Variants in HELLS observed in about 807,000 individuals in gnomAD.
HELLS encodes lymphoid-specific helicase.
HELLS carries 32 observed loss-of-function variants against 120.0 expected under a neutral mutation model. That is an observed-to-expected ratio of 0.27 (90% CI 0.20 to 0.36). The LOEUF (loss-of-function observed/expected upper bound fraction) is 0.36. HELLS is among the 10% of genes least tolerant of loss of function. The pLI is 1.00. For synonymous variants in HELLS, 341 were observed against 323.4 expected, an observed-to-expected ratio of 1.05 and a Z score of -0.58; for missense variants, 650 against 993.4, an observed-to-expected ratio of 0.65 and a Z score of 4.65.
At position 94,590,533 on chromosome 10, in the gene HELLS, C is replaced by G. The variant is rs757287830; in HGVS notation, c.1609C>G (p.Pro537Ala). Residue 537 changes from proline to alanine, a missense_variant, in exon 14 of 22, where the codon CCA becomes GCA. This residue lies in a region of HELLS where 191 missense variants were observed against 259.7 expected (regional missense o/e 0.74). Transcript: ENST00000348459. ...ELEKLISQIQ[P>A]EVDRERAVVE... is the part of the protein sequence containing the mutation. ...GGAAAAACTGATCAGTCAAATACAG[C>G]CAGAGGTGGACCGAGAAAGGTTTGA... 1.9e-6 allele frequency: 3 copies of G among 1,610,998 alleles called. No individual in the cohort carries two copies. In the South Asian group the frequency reaches 3.3e-5, roughly 18 times the overall value.
intron 4 of HELLS, among the ~76,000 whole-genome samples, chr10:94,560,663 C>T (rs1169921845): frequency 6.6e-6 from 1 of 151,964 alleles, no homozygotes; most frequent in Non-Finnish European, 1.5e-5. Context: ...CATCACCGCA[C>T]TCTAGTCTGG....
chr10:94,577,366 C>T (rs1844547353), intron 10 of HELLS: 2 of 212,292 alleles, frequency 9.4e-6, no homozygotes, highest in Non-Finnish European at 1.9e-5. Flanking sequence ...TTCTTGACTG[C>T]TTTTTTTTTC....
intron 3 of HELLS, among the ~76,000 whole-genome samples, chr10:94,555,147 A>T (rs185087483): frequency 6.6e-6 from 1 of 152,078 alleles, no homozygotes; most frequent in African/African-American, 2.4e-5. Flanking sequence ...TGTCTCAAAA[A>T]TAAAACAGGC....
intron 19 of HELLS, among the ~76,000 whole-genome samples, chr10:94,596,646 G>A (rs1050840967): frequency 2.0e-5 from 3 of 152,116 alleles, no homozygotes; most frequent in Non-Finnish European, 2.9e-5. Flanking sequence ...GGGAGGGTGC[G>A]TGTTTAACTA....
chr10:94,549,103 A>G (rs551957438), intron 2 of HELLS, among the ~76,000 whole-genome samples: 1 of 152,318 alleles, frequency 6.6e-6, no homozygotes, highest in East Asian at 1.9e-4. Flanking sequence ...AGATAAGGAA[A>G]GTTTTTGATT....
chr10:94,555,200 G>A (rs1410376583), intron 3 of HELLS, among the ~76,000 whole-genome samples: 2 of 152,162 alleles, frequency 1.3e-5, no homozygotes, highest in African/African-American at 4.8e-5. Context: ...ACTTTGGGAG[G>A]CCAAGGCAGA....
chr10:94,582,718 T>G (rs1341815455), intron 11 of HELLS, among the ~76,000 whole-genome samples: 1 of 152,150 alleles, frequency 6.6e-6, no homozygotes, highest in African/African-American at 2.4e-5. Context: ...ATTGTTAATC[T>G]ATTTATAAAT....
At chr10:94,549,785 G>T (rs1842896172) in intron 2 of HELLS, among the ~76,000 whole-genome samples, 1 of 151,998 alleles carries the variant, frequency 6.6e-6, no homozygotes, top group South Asian at 2.1e-4. Flanking sequence ...GATAAATAAA[G>T]AAAAAACAGT....
In HELLS at chr10:94,585,213, ATTT is replaced by A. The variant is rs1269062328; in HGVS notation, c.1326+2158_1326+2160del. 9.2e-5 allele frequency among the ~76,000 whole-genome samples: 14 copies of A among 151,902 alleles called. No homozygotes were observed. In the East Asian group the frequency reaches 2.3e-3, roughly 25 times the overall value. The stretch of plus-strand genomic sequence containing the variant: ...AACCTTTACAAATTAATTATTTAAA[ATTT>A]TTTATTTTAAAATTATGCGTACACG... On this transcript the variant is annotated intron_variant, in intron 12 of 21. Coordinates refer to ENST00000348459, the MANE Select transcript of HELLS (RefSeq NM_018063.5).
chr10:94,600,448 A>G (rs1012582039), intron 21 of HELLS, among the ~76,000 whole-genome samples: 1 of 151,942 alleles, frequency 6.6e-6, no homozygotes. Context: ...TAAAAGTCAT[A>G]ATAATCAAGA....
At chr10:94,566,506 G>GCT (rs1337103104) in intron 6 of HELLS, among the ~76,000 whole-genome samples, 16 of 152,170 alleles carry the variant, frequency 1.1e-4, no homozygotes, top group African/African-American at 3.4e-4. Flanking sequence ...AGCTGTCGAT[G>GCT]TAAGCATGGT....
chr10:94,598,786 CTT>C (rs1253640202), intron 21 of HELLS, among the ~76,000 whole-genome samples: 1 of 151,876 alleles, frequency 6.6e-6, no homozygotes, highest in East Asian at 1.9e-4. Context: ...TGTAACTACT[CTT>C]TGCCTAATTC....
At chr10:94,551,802 C>G (rs891481488) in intron 2 of HELLS, among the ~76,000 whole-genome samples, 1 of 151,148 alleles carries the variant, frequency 6.6e-6, no homozygotes, top group Non-Finnish European at 1.5e-5. Context: ...TGCAGTGGCG[C>G]GATCTCGGCT....
chr10:94,546,490 C>G lies in HELLS; in HGVS notation c.145C>G (p.Leu49Val). 1 of 1,614,048 alleles carries G rather than the reference C, an allele frequency of 6.2e-7. No homozygotes were observed. Among genetic ancestry groups the G allele is most frequent in the South Asian group, 1.1e-5 (1 of 91,084 alleles). ...TGGACTAGAGAGAGAGCGGAAGATG[C>G]TGGAAAAGGTAATTTAGGCATCAGG... ...AAGLERERKM[L>V]EKARMSWDRE... The change falls in exon 2 of 22, where the codon CTG becomes GTG. Residue 49 changes from leucine to valine, a missense_variant. Physicochemically the swap from Leu to Val is conservative, Grantham distance 32. Transcript: ENST00000348459.
chr10:94,573,028 C>T (rs957720220), intron 7 of HELLS, among the ~76,000 whole-genome samples: 29 of 151,906 alleles, frequency 1.9e-4, no homozygotes, highest in Non-Finnish European at 3.7e-4. Flanking sequence ...GGCACGATCT[C>T]GGCTCACTGT....
At chr10:94,609,410 T>C (rs1036715167) in intron 9 of HELLS, among the ~76,000 whole-genome samples, 3 of 152,206 alleles carry the variant, frequency 2.0e-5, no homozygotes, top group African/African-American at 7.2e-5. Context: ...GGTGATTCAC[T>C]TTCATAATCC....
chr10:94,585,792 C>CA (rs1845113881), intron 12 of HELLS, among the ~76,000 whole-genome samples: 1 of 151,734 alleles, frequency 6.6e-6, no homozygotes, highest in African/African-American at 2.4e-5. Flanking sequence ...GCCTCCAACT[C>CA]ATACTCCTGG....
chr10:94,593,169 G>C (rs944022361), intron 17 of HELLS, among the ~76,000 whole-genome samples: 1 of 152,098 alleles, frequency 6.6e-6, no homozygotes, highest in African/African-American at 2.4e-5. Context: ...AAAGTTTCCT[G>C]TGCCCCCTTC....
chr10:94,567,270 T>C (rs1843852810), intron 6 of HELLS, among the ~76,000 whole-genome samples: 2 of 152,146 alleles, frequency 1.3e-5, no homozygotes, highest in Admixed American at 1.3e-4. Context: ...GATCCAGTCT[T>C]TCTAGATTGC....
Sources: gnomAD v4.1 joint callset for allele counts (sites outside exome capture counted in the v4.1 genomes callset) on GRCh38, gnomAD v4.1.1 for gene constraint, gnomAD v4.1.1 regional missense constraint, MANE v1.5 for transcripts, NCBI Gene and HGNC (gene_info 2026-07-23, HGNC 2026-07-21) for gene names.